Variants in KIF24 observed in about 807,000 individuals in gnomAD.
The protein encoded by KIF24 is kinesin-like protein KIF24.
Under a neutral mutation model 118.9 loss-of-function variants are expected in KIF24, and 81 were observed. That is an observed-to-expected ratio of 0.68 (90% CI 0.57 to 0.82). The LOEUF (loss-of-function observed/expected upper bound fraction) is 0.82. KIF24 is among the 40% of genes least tolerant of loss of function. The pLI is 0.00. For missense variants in KIF24, 1,560 were observed against 1,661.6 expected (o/e 0.94, Z 1.06); for synonymous variants, 599 against 610.0 (o/e 0.98, Z 0.27).
rs1359617382 is a variant in KIF24, at chr9:34,301,999, T to TC, written c.813+4252_813+4253insG. Among the ~76,000 whole-genome samples the TC allele has an allele frequency of 3.5e-5, 5 of 143,520 alleles. 1 individual carries two copies. Among genetic ancestry groups the TC allele is most frequent in the Admixed American group, 6.9e-5 (1 of 14,524 alleles). 94.2% of individuals were successfully genotyped at this position (143,520 alleles called of 152,430 possible). On this transcript the variant is annotated intron_variant, in intron 3 of 12. Transcript: ENST00000402558. The stretch of plus-strand genomic sequence containing the variant: ...TTTCTATATATGTATTTTTTTTTCT[T>TC]TTTTTTTTTTTTTGAGACAGAGTCT...
intron 4 of KIF24, among the ~76,000 whole-genome samples, chr9:34,292,931 T>C (rs1176181565): frequency 6.6e-6 from 1 of 152,166 alleles, no homozygotes; most frequent in Non-Finnish European, 1.5e-5. Context: ...AAAAACCCTA[T>C]TATACTTTAA....
chr9:34,326,367 C>A (rs1169263064), intron 1 of KIF24, among the ~76,000 whole-genome samples: 1 of 152,052 alleles, frequency 6.6e-6, no homozygotes, highest in Admixed American at 6.6e-5. Context: ...CTCAAGAAAA[C>A]CCCCCAAAAA....
intron 9 of KIF24, 83 bp from the exon 10 acceptor site, chr9:34,259,788 G>T: frequency 1.2e-6 from 1 of 837,248 alleles, no homozygotes; most frequent in Non-Finnish European, 2.0e-6. Context: ...AGGATGCTGG[G>T]CCATAGTTCC....
Position 34,256,209 on chromosome 9 carries a change from G to A in KIF24, c.3398C>T (p.Ser1133Leu). The change falls in exon 11 of 13, where the codon TCA becomes TTA. Residue 1133 changes from serine (S) to leucine (L), a missense_variant. This residue lies in a region of KIF24 where 591 missense variants were observed against 655.6 expected (regional missense o/e 0.90). Coordinates refer to ENST00000402558, the MANE Select transcript of KIF24 (RefSeq NM_194313.4). ...PGGDLPALSP[S>L]PIRQHPADKL... ...GTCAGCTGGGTGCTGACGGATGGGT[G>A]ATGGGGACAGAGCTGGAAGATCACC... The A allele has an allele frequency of 6.2e-7, 1 of 1,602,642 alleles. No homozygotes were observed. Among genetic ancestry groups the A allele is most frequent in the Non-Finnish European group, 8.5e-7 (1 of 1,173,070 alleles).
rs765519425 is a variant in KIF24 at position 34,256,477 on chromosome 9, A to G, written c.3130T>C (p.Tyr1044His). Reference sequence around the variant, plus strand: ...AGGGGAGACATGAGTCCAGAAGCATATTCAGCATGCGTGCCTAACTGCCCC... The same window carrying G: ...AGGGGAGACATGAGTCCAGAAGCATGTTCAGCATGCGTGCCTAACTGCCCC... ...PRGQLGTHAEYASGLMSPLTM... is the reference protein window; with the variant it reads ...PRGQLGTHAEHASGLMSPLTM... Residue 1044 changes from tyrosine to histidine, a missense_variant, in exon 11 of 13, where the codon TAT becomes CAT. Physicochemically the swap from Tyr to His is moderately conservative, Grantham distance 83. Around this residue, in one of 3 missense-constraint regions of KIF24, gnomAD observed 591 missense variants for 655.6 expected, o/e 0.90. Transcript: ENST00000402558. 6.2e-7 allele frequency: 1 copy of G among 1,613,864 alleles called. No individual in the cohort carries two copies. Among genetic ancestry groups the G allele is most frequent in the Non-Finnish European group, 8.5e-7 (1 of 1,179,822 alleles).
At chr9:34,283,931 A>G (rs541184771) in intron 6 of KIF24, among the ~76,000 whole-genome samples, 11 of 152,172 alleles carry the variant, frequency 7.2e-5, no homozygotes, top group Non-Finnish European at 1.0e-4. Flanking sequence ...TTGCTCATAT[A>G]CTGCTTGTAG....
rs1398910190 is a variant in KIF24, at chr9:34,256,718, AT to A, written c.2888del (p.Asp963ValfsTer46). The stretch of plus-strand genomic sequence containing the variant: ...CCCCAGAAACCTCACTTTGGGAGGC[AT>A]CCTTTCTGAGATCAAAGGAAGAGCC... ...GGGSSFDLRK[D>X]ASQSEVSGEN... On this transcript the variant is annotated frameshift_variant, in exon 11 of 13. Transcript: ENST00000402558. LOFTEE classifies it high-confidence loss of function. The A allele has an allele frequency of 2.5e-6, 4 of 1,613,826 alleles. No homozygotes were observed. The highest frequency in any genetic ancestry group is 3.4e-6 in the Non-Finnish European group (4 of 1,179,868).
intron 3 of KIF24, among the ~76,000 whole-genome samples, chr9:34,299,128 T>C (rs1469750311): frequency 6.6e-6 from 1 of 151,922 alleles, no homozygotes; most frequent in Non-Finnish European, 1.5e-5. Context: ...TACATATATA[T>C]TCTTATATAC....
chr9:34,325,405 G>C (rs1180399566), intron 1 of KIF24, among the ~76,000 whole-genome samples: 1 of 145,992 alleles, frequency 6.8e-6, no homozygotes, highest in Admixed American at 6.9e-5. Context: ...CTAAAACAGT[G>C]CCTGGGGCCA....
At position 34,290,166 on chromosome 9, in the gene KIF24, T is replaced by C; in HGVS notation, c.1127+8A>G. The C allele has an allele frequency of 6.3e-7, 1 of 1,593,918 alleles. No homozygotes were observed. Among genetic ancestry groups the C allele is most frequent in the Non-Finnish European group, 8.6e-7 (1 of 1,162,130 alleles). ...ACAGATTTATCGCTTCCCACTCATA[T>C]TCAGTACCTTTTTCTTCTATTTAGG... is the stretch of plus-strand genomic sequence containing the variant. On this transcript the variant is annotated splice_region_variant and intron_variant, in intron 5 of 12. Coordinates refer to ENST00000402558, the MANE Select transcript of KIF24 (RefSeq NM_194313.4).
At chr9:34,322,763 G>A (rs1036986313) in intron 1 of KIF24, among the ~76,000 whole-genome samples, 1 of 152,030 alleles carries the variant, frequency 6.6e-6, no homozygotes, top group African/African-American at 2.4e-5. Flanking sequence ...CTGATATTGC[G>A]GGGTACTGCT....
intron 1 of KIF24, among the ~76,000 whole-genome samples, chr9:34,321,838 C>G (rs1451076101): frequency 6.6e-6 from 1 of 151,860 alleles, no homozygotes; most frequent in African/African-American, 2.4e-5. Flanking sequence ...AACTCCTGGG[C>G]TCAAGCGATC....
chr9:34,255,653 CTT>C, intron 11 of KIF24, 80 bp downstream of exon 11: 1 of 1,286,282 alleles, frequency 7.8e-7, no homozygotes, highest in South Asian at 1.5e-5. Context: ...CATGGCTTCT[CTT>C]TGTCCATGAC....
chr9:34,259,086 C>T (rs901679201), intron 10 of KIF24, among the ~76,000 whole-genome samples: 1 of 152,174 alleles, frequency 6.6e-6, no homozygotes. Context: ...GAGTTGCTGG[C>T]TCTGACACCA....
chr9:34,269,353 A>T lies in KIF24; in HGVS notation c.1347T>A (p.Phe449Leu). ...CTCTTTCACTGCCAGCCAAGTCAAT[A>T]AAAGAGATCCTAGAGAAAAGACACA... ...SAKRTFGRIS[F>L]IDLAGSERAA... The change falls in exon 8 of 13, where the codon TTT (phenylalanine) becomes TTA (leucine). Residue 449 changes from phenylalanine to leucine, a missense_variant. Phe to Leu is a conservative substitution (Grantham distance 22). This residue lies in a region of KIF24 where 964 missense variants were observed against 988.0 expected (regional missense o/e 0.98). Transcript: ENST00000402558. 1 of 1,584,840 alleles carries T rather than the reference A, an allele frequency of 6.3e-7. No individual in the cohort carries two copies. The highest frequency in any genetic ancestry group is 8.7e-7 in the Non-Finnish European group (1 of 1,155,372).
In KIF24 at chr9:34,257,254, G is replaced by T. The variant is rs1405673970; in HGVS notation, c.2353C>A (p.Pro785Thr). The T allele has an allele frequency of 1.2e-6, 2 of 1,614,068 alleles. No homozygotes were observed. Among genetic ancestry groups the T allele is most frequent in the South Asian group, 2.2e-5 (2 of 91,082 alleles). ...TACTGGCGTAAAGACCTTTTCAGTG[G>T]TTGGTATTTTAACTTCTGTTGGAGG... is the stretch of plus-strand genomic sequence containing the variant. ...PLLQQKLKYQ[P>T]LKRSLRQYRP... Residue 785 changes from proline (P) to threonine (T), a missense_variant, in exon 11 of 13, where the codon CCA becomes ACA. This residue lies in a region of KIF24 where 964 missense variants were observed against 988.0 expected (regional missense o/e 0.98). Transcript: ENST00000402558.
intron 1 of KIF24, among the ~76,000 whole-genome samples, chr9:34,317,110 C>T (rs1563963761): frequency 6.6e-6 from 1 of 151,578 alleles, no homozygotes. Context: ...CCCAGCTACT[C>T]GGGAGGCTGA....
intron 3 of KIF24, among the ~76,000 whole-genome samples, chr9:34,301,962 G>A (rs1320092943): frequency 6.7e-6 from 1 of 149,866 alleles, no homozygotes; most frequent in Admixed American, 6.7e-5. Context: ...AGATTTCAGT[G>A]TCATCTTATT....
chr9:34,269,602 G>C (rs1158755182), intron 7 of KIF24, among the ~76,000 whole-genome samples: 1 of 151,906 alleles, frequency 6.6e-6, no homozygotes, highest in Non-Finnish European at 1.5e-5. Context: ...GGTATTTTTA[G>C]TAGAGTCAGG....
Sources: allele counts gnomAD v4.1 joint callset (sites outside exome capture counted in the v4.1 genomes callset), GRCh38; gene constraint gnomAD v4.1.1; regional missense constraint gnomAD v4.1.1; transcripts MANE v1.5; gene names NCBI Gene and HGNC (gene_info 2026-07-23, HGNC 2026-07-21).